MEI4: variants seen among roughly 807,000 people sequenced by gnomAD.
MEI4 encodes the protein meiotic double-stranded break formation protein 4, also known as meiosis-specific protein MEI4.
Under a neutral mutation model 31.4 loss-of-function variants are expected in MEI4, and 27 were observed. The observed-to-expected ratio is 0.86, with a 90% CI of 0.63 to 1.19. The LOEUF (loss-of-function observed/expected upper bound fraction) is 1.19. MEI4 is among the 50% of genes most tolerant of loss of function. The probability of loss-of-function intolerance (pLI) is 0.00; values close to 1 mark genes in which losing one functional copy is unlikely to be tolerated. For missense variants in MEI4, 329 were observed against 398.9 expected, an observed-to-expected ratio of 0.82 and a Z score of 1.49; for synonymous variants, 122 against 145.4, an observed-to-expected ratio of 0.84 and a Z score of 1.16.
At chr6:77,739,651 T>A (rs1767346895) in intron 2 of MEI4, among the ~76,000 whole-genome samples, 1 of 151,950 alleles carries the variant, frequency 6.6e-6, no homozygotes, top group Admixed American at 6.6e-5. Context: ...GGTTGATAGG[T>A]ACAGCAAACC....
intron 4 of MEI4, among the ~76,000 whole-genome samples, chr6:77,854,393 T>C (rs557587524): frequency 4.7e-5 from 7 of 149,528 alleles, no homozygotes; most frequent in Non-Finnish European, 8.9e-5. Flanking sequence ...GCAGTGTTAA[T>C]GTCAACAGTA....
intron 4 of MEI4, among the ~76,000 whole-genome samples, chr6:77,895,945 G>C (rs952788856): frequency 3.3e-5 from 5 of 152,072 alleles, no homozygotes; most frequent in Non-Finnish European, 7.4e-5. Context: ...GTATTGTTTT[G>C]TTAAGAACTG....
chr6:77,720,761 C>T, intron 2 of MEI4, among the ~76,000 whole-genome samples: 1 of 62,608 alleles, frequency 1.6e-5, no homozygotes, highest in Middle Eastern at 7.7e-3. Context: ...AGTAAGTCAG[C>T]TTGTTCATTT....
rs1239148548 is a variant in MEI4, at chr6:77,925,989, G to C, written c.*2643G>C. On this transcript the variant is annotated 3_prime_UTR_variant, in exon 5 of 5. Coordinates refer to ENST00000684080, the MANE Select transcript of MEI4 (RefSeq NM_001322247.2). ...GATTATTTCCTGAATCTGTATTTTA[G>C]AGATGAAGAACTCAGAACTTGCCCA... The C allele has an allele frequency of 2.0e-5, 3 of 151,696 alleles. No homozygotes were observed. The East Asian group carries it at 5.8e-4, about 29-fold the overall frequency. The allele number at this position is 151,696 out of a possible 1,614,324, so 9.4% of individuals were successfully genotyped here.
chr6:77,790,842 A>T (rs1211324718), intron 3 of MEI4, among the ~76,000 whole-genome samples: 2 of 151,782 alleles, frequency 1.3e-5, no homozygotes, highest in East Asian at 2.0e-4. Context: ...CAAGAAAAAA[A>T]CAAACAACCC....
At chr6:77,711,024 A>G (rs1465941356) in intron 2 of MEI4, among the ~76,000 whole-genome samples, 8 of 152,186 alleles carry the variant, frequency 5.3e-5, no homozygotes, top group South Asian at 2.1e-4. Flanking sequence ...TTCTACTTCT[A>G]TGAGATCAGC....
intron 2 of MEI4, among the ~76,000 whole-genome samples, chr6:77,705,848 C>T (rs897167144): frequency 6.6e-6 from 1 of 152,146 alleles, no homozygotes; most frequent in African/African-American, 2.4e-5. Flanking sequence ...TAATTAAATA[C>T]ATGAGAGAAT....
At chr6:77,873,902 A>G (rs916393240) in intron 4 of MEI4, among the ~76,000 whole-genome samples, 2 of 152,156 alleles carry the variant, frequency 1.3e-5, no homozygotes, top group African/African-American at 4.8e-5. Context: ...TTTGTCAAAG[A>G]TCAGATAGTT....
intron 2 of MEI4, among the ~76,000 whole-genome samples, chr6:77,746,364 A>G (rs1767603586): frequency 6.6e-6 from 1 of 152,190 alleles, no homozygotes; most frequent in African/African-American, 2.4e-5. Context: ...GGCCTCATCC[A>G]ATAAGTGGAA....
chr6:77,679,635 A>G (rs149458236), intron 1 of MEI4, among the ~76,000 whole-genome samples: 38 of 152,158 alleles, frequency 2.5e-4, no homozygotes, highest in African/African-American at 8.9e-4. Flanking sequence ...GACTCTTTTC[A>G]CCGTGAATGG....
At chr6:77,767,606 A>G (rs1768208004) in intron 3 of MEI4, among the ~76,000 whole-genome samples, 1 of 151,752 alleles carries the variant, frequency 6.6e-6, no homozygotes, top group Non-Finnish European at 1.5e-5. Flanking sequence ...CTGAGGTGGT[A>G]GGATTGCTTG....
rs561712728 is a variant in MEI4 at position 77,693,122 on chromosome 6, C to T, written c.232+2219C>T. ...GGGAATTATCATGAAAACCCAGTAA[C>T]TTAATAGATGTTACTAAAATCTTAC... On this transcript the variant is annotated intron_variant, in intron 2 of 4. Coordinates refer to ENST00000684080, the MANE Select transcript of MEI4 (RefSeq NM_001322247.2). Among the ~76,000 whole-genome samples the T allele has an allele frequency of 3.3e-5, 5 of 152,076 alleles. No individual in the cohort carries two copies. The East Asian group carries it at 5.8e-4, about 18-fold the overall frequency.
rs139176778 is a variant in MEI4, at chr6:77,889,311, T to C, written c.901-33778T>C. Among the ~76,000 whole-genome samples, 358 of 152,292 alleles carry C rather than the reference T, an allele frequency of 2.4e-3. 3 individuals are homozygous for C. The highest frequency in any genetic ancestry group is 0.022 in the East Asian group (115 of 5,164). On this transcript the variant is annotated intron_variant, in intron 4 of 4. Transcript: ENST00000684080. ...TGAGTGGCTTTGACCAAAATGCTGA[T>C]AATGATATAGACATGAAGTCCAGGC...
chr6:77,878,944 C>T (rs917132552), intron 4 of MEI4, among the ~76,000 whole-genome samples: 1 of 152,088 alleles, frequency 6.6e-6, no homozygotes, highest in Non-Finnish European at 1.5e-5. Context: ...TTTGAAATTT[C>T]ATGAGGTTTG....
intron 2 of MEI4, among the ~76,000 whole-genome samples, chr6:77,736,656 T>C (rs542782927): frequency 7.9e-5 from 12 of 152,200 alleles, no homozygotes; most frequent in African/African-American, 2.9e-4. Context: ...TTTTGGCTCC[T>C]ACCCCCTTAA....
intron 2 of MEI4, among the ~76,000 whole-genome samples, chr6:77,755,661 C>A (rs543885552): frequency 6.6e-6 from 1 of 152,002 alleles, no homozygotes; most frequent in East Asian, 1.9e-4. Context: ...TCATGATCTG[C>A]CCACCTCGGA....
At chr6:77,805,411 C>G (rs1213482221) in intron 3 of MEI4, among the ~76,000 whole-genome samples, 1 of 151,968 alleles carries the variant, frequency 6.6e-6, no homozygotes, top group Non-Finnish European at 1.5e-5. Context: ...AGATATTATA[C>G]CATATAAAAT....
At chr6:77,919,114 C>A (rs1185180517) in intron 4 of MEI4, among the ~76,000 whole-genome samples, 1 of 151,546 alleles carries the variant, frequency 6.6e-6, no homozygotes, top group Non-Finnish European at 1.5e-5. Flanking sequence ...ACAAGGATAC[C>A]CAGGAATTGA....
intron 3 of MEI4, among the ~76,000 whole-genome samples, chr6:77,808,118 A>G (rs896279232): frequency 1.3e-5 from 2 of 152,186 alleles, no homozygotes; most frequent in East Asian, 1.9e-4. Flanking sequence ...GTAATTGTTA[A>G]TAGCACTCCA....
Sources: gnomAD v4.1 joint callset for allele counts (sites outside exome capture counted in the v4.1 genomes callset) on GRCh38, gnomAD v4.1.1 for gene constraint, MANE v1.5 for transcripts, NCBI Gene and HGNC (gene_info 2026-07-23, HGNC 2026-07-21) for gene names.